FABP5: variants seen among roughly 807,000 people sequenced by gnomAD.
FABP5 encodes fatty acid binding protein 5.
FABP5 carries 7 observed loss-of-function variants against 16.9 expected under a neutral mutation model. That is an observed-to-expected ratio of 0.41 (90% CI 0.24 to 0.78). FABP5 has a LOEUF of 0.78. FABP5 is among the 30% of genes least tolerant of loss of function. The pLI is 0.30. For synonymous variants in FABP5, 37 were observed against 52.8 expected, an observed-to-expected ratio of 0.70 and a Z score of 1.30; for missense variants, 119 against 159.5, an observed-to-expected ratio of 0.75 and a Z score of 1.37.
intron 3 of FABP5, 155 bp downstream of exon 3, chr8:81,284,129 C>T: frequency 1.6e-6 from 1 of 615,214 alleles, no homozygotes; most frequent in South Asian, 2.2e-5. Context: ...TTAAGAAAGT[C>T]CTAGTGGAGA....
chr8:81,283,579 A>G, intron 2 of FABP5, 41 bp downstream of exon 2: 1 of 1,554,984 alleles, frequency 6.4e-7, no homozygotes, highest in Non-Finnish European at 8.7e-7. Flanking sequence ...AGCTTCTAGA[A>G]TGATAGGCTG....
chr8:81,281,589 C>A lies in FABP5; in HGVS notation c.79+915C>A. 1 of 985,584 alleles carries A rather than the reference C, an allele frequency of 1.0e-6. No homozygotes were observed. The highest frequency in any genetic ancestry group is 1.2e-6 in the Non-Finnish European group (1 of 830,054). The allele number at this position is 985,584 out of a possible 1,614,324, so 61.1% of individuals were successfully genotyped here. ...TAACAGAAACTGCCTGGCCCTCCTG[C>A]GGCTAACTGCATGCAAGATGGGTGT... is the stretch of plus-strand genomic sequence containing the variant. On this transcript the variant is annotated intron_variant, in intron 1 of 3. Coordinates refer to ENST00000297258, the MANE Select transcript of FABP5 (RefSeq NM_001444.3). This position sits in a 1 kb window ranked among gnomAD's most constrained non-coding sequence, Gnocchi z 4.5.
In FABP5 at chr8:81,280,789, C is replaced by G. The variant is rs922163661; in HGVS notation, c.79+115C>G. 2.8e-4 allele frequency: 252 copies of G among 893,356 alleles called. 1 individual carries two copies. Among genetic ancestry groups the G allele is most frequent in the Middle Eastern group, 4.5e-4 (2 of 4,488 alleles). 55.3% of individuals were successfully genotyped at this position (893,356 alleles called of 1,614,324 possible). On this transcript the variant is annotated intron_variant, in intron 1 of 3. Transcript: ENST00000297258. ...CAGGAGATGCTCGGCGGCCTACCCC[C>G]ATCCCCTCCCATCTTCCCCACCACG...
chr8:81,280,711 G>A (rs1393262898), intron 1 of FABP5, 37 bp downstream of exon 1: 1 of 1,533,680 alleles, frequency 6.5e-7, no homozygotes, highest in African/African-American at 1.4e-5. Flanking sequence ...GCAACGTGGC[G>A]TGTTGTGCGG....
intron 1 of FABP5, 126 bp from the exon 2 acceptor site, chr8:81,283,240 A>G (rs2131268614): frequency 2.5e-6 from 2 of 785,956 alleles, no homozygotes; most frequent in Non-Finnish European, 4.0e-6. Context: ...TATGTTTACA[A>G]TAGTTATCAA....
In FABP5 at chr8:81,281,254, G is replaced by T; in HGVS notation, c.79+580G>T. ...CAGTTTCCCGCAGAAATCCTGTGGA[G>T]GGGTCTGAGTGGCGCTACAGCTTCA... On this transcript the variant is annotated intron_variant, in intron 1 of 3. Coordinates refer to ENST00000297258, the MANE Select transcript of FABP5 (RefSeq NM_001444.3). This position sits in a 1 kb window ranked among gnomAD's most constrained non-coding sequence, Gnocchi z 4.5. 1 of 772,652 alleles carries T rather than the reference G, an allele frequency of 1.3e-6. No homozygotes were observed. The highest frequency in any genetic ancestry group is 1.6e-6 in the Non-Finnish European group (1 of 635,042). The allele number at this position is 772,652 out of a possible 1,614,324, so 47.9% of individuals were successfully genotyped here. A position where few individuals can be genotyped will look rare whatever the true frequency, so the allele number is the denominator to read the frequency against.
At chr8:81,280,955 T>G (rs1807819409) in intron 1 of FABP5, 3 of 400,554 alleles carry the variant, frequency 7.5e-6, no homozygotes, top group African/African-American at 2.1e-5. Context: ...CTTCTTTCCC[T>G]TCGCCCAAAC....
chr8:81,283,320 A>G, intron 1 of FABP5, 46 bp from the exon 2 acceptor site: 2 of 1,458,410 alleles, frequency 1.4e-6, no homozygotes, highest in Non-Finnish European at 9.3e-7. Flanking sequence ...CATGTAAATG[A>G]TAACTTTGGT....
At chr8:81,284,389 A>C in intron 3 of FABP5, 125 bp from the exon 4 acceptor site, 1 of 645,058 alleles carries the variant, frequency 1.6e-6, no homozygotes, top group Non-Finnish European at 2.7e-6. Context: ...ATTCTGAAAG[A>C]AATTTTCTCC....
Position 81,281,640 on chromosome 8 carries a change from T to C in FABP5, c.79+966T>C. The stretch of plus-strand genomic sequence containing the variant: ...GGCCCTGCAGAAGGCAGATGACTTC[T>C]TGAAGCGTTCCGAGGGAGAATGAAT... On this transcript the variant is annotated intron_variant, in intron 1 of 3. Transcript: ENST00000297258. This position sits in a 1 kb window ranked among gnomAD's most constrained non-coding sequence, Gnocchi z 4.5. 1.0e-6 allele frequency: 1 copy of C among 985,464 alleles called. No individual in the cohort carries two copies. Among genetic ancestry groups the C allele is most frequent in the Non-Finnish European group, 1.2e-6 (1 of 829,940 alleles). 61.0% of individuals were successfully genotyped at this position (985,464 alleles called of 1,614,324 possible).
chr8:81,283,280 A>G, intron 1 of FABP5, 86 bp from the exon 2 acceptor site: 1 of 1,160,166 alleles, frequency 8.6e-7, no homozygotes, highest in Non-Finnish European at 1.2e-6. Flanking sequence ...ATGCCGCACA[A>G]AGTGATTACA....
At chr8:81,284,007 T>C in intron 3 of FABP5, 33 bp downstream of exon 3, 1 of 1,456,288 alleles carries the variant, frequency 6.9e-7, no homozygotes. Context: ...TCAGTCAGCT[T>C]CTTGTGTGCA....
At position 81,280,696 on chromosome 8, in the gene FABP5, C is replaced by T. The variant is rs1034652431; in HGVS notation, c.79+22C>T. 6.5e-6 allele frequency: 10 copies of T among 1,548,810 alleles called. No homozygotes were observed. The African/African-American group carries it at 1.2e-4, about 19-fold the overall frequency. On this transcript the variant is annotated intron_variant, in intron 1 of 3. Coordinates refer to ENST00000297258, the MANE Select transcript of FABP5 (RefSeq NM_001444.3). ...CTAGGTGAGGCACCCGGCCTGGCAGCGCCTGCAACGTGGCGTGTTGTGCGG... is the reference window on the plus strand; with the variant it reads ...CTAGGTGAGGCACCCGGCCTGGCAGTGCCTGCAACGTGGCGTGTTGTGCGG...
chr8:81,281,816 A>G lies in FABP5; in HGVS notation c.79+1142A>G. On this transcript the variant is annotated intron_variant, in intron 1 of 3. Transcript: ENST00000297258. This position sits in a 1 kb window ranked among gnomAD's most constrained non-coding sequence, Gnocchi z 4.5. ...TTGTCACAGGCCACTAGGAAGTGAGATGGAGTTAGCATAGCATGGATCCTC... is the reference window on the plus strand; with the variant it reads ...TTGTCACAGGCCACTAGGAAGTGAGGTGGAGTTAGCATAGCATGGATCCTC... 3.2e-6 allele frequency: 1 copy of G among 311,066 alleles called. No individual in the cohort carries two copies. Among genetic ancestry groups the G allele is most frequent in the Non-Finnish European group, 4.7e-6 (1 of 213,616 alleles). The allele number at this position is 311,066 out of a possible 1,614,324, so 19.3% of individuals were successfully genotyped here. A position where few individuals can be genotyped will look rare whatever the true frequency, so the allele number is the denominator to read the frequency against.
chr8:81,284,578 A>C lies in FABP5; in HGVS notation c.*11A>C. The C allele has an allele frequency of 6.6e-7, 1 of 1,505,496 alleles. No homozygotes were observed. The allele number at this position is 1,505,496 out of a possible 1,614,324, so 93.3% of individuals were successfully genotyped here. A position where few individuals can be genotyped will look rare whatever the true frequency, so the allele number is the denominator to read the frequency against. ...GAAAAAGTAGAATAAAAATTCCATC[A>C]TCACTTTGGACAGGAGTTAATTAAG... On this transcript the variant is annotated 3_prime_UTR_variant, in exon 4 of 4. Coordinates refer to ENST00000297258, the MANE Select transcript of FABP5 (RefSeq NM_001444.3).
chr8:81,283,146 A>T (rs1807860897), intron 1 of FABP5: 1 of 406,554 alleles, frequency 2.5e-6, no homozygotes, highest in African/African-American at 2.1e-5. Flanking sequence ...TAAAATGGAG[A>T]CAGTAACATC....
At position 81,281,627 on chromosome 8, in the gene FABP5, G is replaced by A. The variant is rs1807832576; in HGVS notation, c.79+953G>A. On this transcript the variant is annotated intron_variant, in intron 1 of 3. Coordinates refer to ENST00000297258, the MANE Select transcript of FABP5 (RefSeq NM_001444.3). The surrounding 1 kb of genome is among the most constrained non-coding windows in gnomAD (Gnocchi z 4.5). The stretch of plus-strand genomic sequence containing the variant: ...GCAAGATGGGTGTGGCCCTGCAGAA[G>A]GCAGATGACTTCTTGAAGCGTTCCG... 1 of 985,462 alleles carries A rather than the reference G, an allele frequency of 1.0e-6. No individual in the cohort carries two copies. The highest frequency in any genetic ancestry group is 1.2e-6 in the Non-Finnish European group (1 of 829,934). 61.0% of individuals were successfully genotyped at this position (985,462 alleles called of 1,614,324 possible).
At chr8:81,280,702 C>T in intron 1 of FABP5, 28 bp downstream of exon 1, 1 of 1,545,162 alleles carries the variant, frequency 6.5e-7, no homozygotes, top group Non-Finnish European at 8.8e-7. Context: ...GCAGCGCCTG[C>T]AACGTGGCGT....
chr8:81,284,450 A>T, intron 3 of FABP5, 64 bp from the exon 4 acceptor site: 1 of 1,070,990 alleles, frequency 9.3e-7, no homozygotes, highest in Non-Finnish European at 1.4e-6. Flanking sequence ...CTAATGTTTT[A>T]ATACCACCAC....
Sources: allele counts gnomAD v4.1 joint callset, GRCh38; gene constraint gnomAD v4.1.1; non-coding constraint Gnocchi (gnomAD v3.1); transcripts MANE v1.5; gene names NCBI Gene and HGNC (gene_info 2026-07-23, HGNC 2026-07-21).